PRDM16: variants seen among roughly 807,000 people sequenced by gnomAD.
PRDM16 encodes the protein histone-lysine N-methyltransferase PRDM16.
A neutral mutation model predicts 110.6 loss-of-function variants in PRDM16; 23 were observed. The ratio of observed to expected loss-of-function variants is 0.21; its 90% CI spans 0.15 to 0.29. The LOEUF (loss-of-function observed/expected upper bound fraction) is 0.29. PRDM16 is among the 10% of genes least tolerant of loss of function. The pLI is 1.00. For missense variants in PRDM16, 1,615 were observed against 1,794.3 expected (o/e 0.90, Z 1.81); for synonymous variants, 799 against 781.8 (o/e 1.02, Z -0.37).
chr1:3,256,407 T>A (rs984802512), intron 3 of PRDM16, among the ~76,000 whole-genome samples: 7 of 152,156 alleles, frequency 4.6e-5, no homozygotes, highest in Non-Finnish European at 8.8e-5. Context: ...ACTTCGTTAA[T>A]AATAACGGGC....
intron 3 of PRDM16, among the ~76,000 whole-genome samples, chr1:3,367,406 G>T (rs115177861): frequency 0.01 from 1,564 of 152,314 alleles, 31 homozygotes; most frequent in African/African-American, 0.036. Flanking sequence ...ACTTGGGAGG[G>T]GTCTTGTCTG....
chr1:3,122,677 C>T (rs572771360), intron 1 of PRDM16, among the ~76,000 whole-genome samples: 30 of 152,140 alleles, frequency 2.0e-4, no homozygotes, highest in Admixed American at 2.0e-3. Flanking sequence ...GACATTCCCC[C>T]CCTCCGTGCT....
chr1:3,255,982 G>A lies in PRDM16; in HGVS notation c.438+11845G>A, dbSNP rs547589046. ...GAACGAGCTCCGCCTCTCAGGGGAG[G>A]GACAGGATTACGTGGCAGAGAGCAG... On this transcript the variant is annotated intron_variant, in intron 3 of 16. Coordinates refer to ENST00000270722, the MANE Select transcript of PRDM16 (RefSeq NM_022114.4). This position sits in a 1 kb window ranked among gnomAD's most constrained non-coding sequence, Gnocchi z 4.7. Among the ~76,000 whole-genome samples the A allele has an allele frequency of 6.6e-6, 1 of 152,310 alleles. No homozygotes were observed. The highest frequency in any genetic ancestry group is 1.9e-4 in the East Asian group (1 of 5,172).
intron 3 of PRDM16, among the ~76,000 whole-genome samples, chr1:3,324,032 C>T (rs886853760): frequency 7.2e-5 from 11 of 152,194 alleles, no homozygotes; most frequent in Admixed American, 2.6e-4. Flanking sequence ...GCCACCCTCC[C>T]TCCGTCTGGG....
At chr1:3,297,127 G>T (rs1202808099) in intron 3 of PRDM16, among the ~76,000 whole-genome samples, 2 of 152,150 alleles carry the variant, frequency 1.3e-5, no homozygotes, top group Non-Finnish European at 2.9e-5. Context: ...AGCCCTAAGG[G>T]GAGCGGTCAG....
chr1:3,414,620 G>A lies in PRDM16; in HGVS notation c.2664G>A (p.Arg888=), dbSNP rs759549128. The A allele has an allele frequency of 6.2e-7, 1 of 1,613,336 alleles. No homozygotes were observed. Among genetic ancestry groups the A allele is most frequent in the Non-Finnish European group, 8.5e-7 (1 of 1,179,832 alleles). The part of the protein sequence containing the change: ...PVGALKEKYL[R]PSPLLFHPQM... Reference sequence around the variant, plus strand: ...GAGCCCTGAAGGAGAAGTACCTGCGGCCGTCCCCGCTGCTCTTCCACCCCC... The same window carrying A: ...GAGCCCTGAAGGAGAAGTACCTGCGACCGTCCCCGCTGCTCTTCCACCCCC... Residue 888 remains arginine, a synonymous_variant, in exon 10 of 17, where the codon CGG becomes CGA. Transcript: ENST00000270722.
chr1:3,110,803 G>C (rs901388129), intron 1 of PRDM16, among the ~76,000 whole-genome samples: 5 of 152,198 alleles, frequency 3.3e-5, no homozygotes, highest in Admixed American at 2.0e-4. Flanking sequence ...TAACAGGAGC[G>C]TGGGAGGGAT....
chr1:3,209,976 T>G lies in PRDM16; in HGVS notation c.387+23502T>G, dbSNP rs1173008526. 6.6e-6 allele frequency among the ~76,000 whole-genome samples: 1 copy of G among 152,192 alleles called. No individual in the cohort carries two copies. The highest frequency in any genetic ancestry group is 1.5e-5 in the Non-Finnish European group (1 of 68,032). On this transcript the variant is annotated intron_variant, in intron 2 of 16. Coordinates refer to ENST00000270722, the MANE Select transcript of PRDM16 (RefSeq NM_022114.4). This position sits in a 1 kb window ranked among gnomAD's most constrained non-coding sequence, Gnocchi z 4.6. ...ATATCGTAGCATTTTCTAGAGACATTTGCAGGAAGGTATTTGACACATTAA... is the reference window on the plus strand; with the variant it reads ...ATATCGTAGCATTTTCTAGAGACATGTGCAGGAAGGTATTTGACACATTAA...
rs895967408 is a variant in PRDM16, at chr1:3,201,049, G to A, written c.387+14575G>A. Among the ~76,000 whole-genome samples, 10 of 152,230 alleles carry A rather than the reference G, an allele frequency of 6.6e-5. No homozygotes were observed. Among genetic ancestry groups the A allele is most frequent in the Non-Finnish European group, 1.2e-4 (8 of 68,020 alleles). ...GTGAGTCCAGGGTCAACCCTTAGCCGGAGTGGGGACTCCGGGGAAGGCCAG... is the reference window on the plus strand; with the variant it reads ...GTGAGTCCAGGGTCAACCCTTAGCCAGAGTGGGGACTCCGGGGAAGGCCAG... On this transcript the variant is annotated intron_variant, in intron 2 of 16. Coordinates refer to ENST00000270722, the MANE Select transcript of PRDM16 (RefSeq NM_022114.4). This position sits in a 1 kb window ranked among gnomAD's most constrained non-coding sequence, Gnocchi z 4.1.
intron 3 of PRDM16, among the ~76,000 whole-genome samples, chr1:3,332,477 T>A (rs2100491338): frequency 6.6e-6 from 1 of 151,970 alleles, no homozygotes; most frequent in East Asian, 1.9e-4. Context: ...CGGTTCGGTT[T>A]GGTTTATTTT....
At chr1:3,320,673 T>C (rs1641719995) in intron 3 of PRDM16, among the ~76,000 whole-genome samples, 1 of 152,228 alleles carries the variant, frequency 6.6e-6, no homozygotes, top group Non-Finnish European at 1.5e-5. Context: ...GCCTTCCTGC[T>C]GAACCCACCC....
intron 1 of PRDM16, among the ~76,000 whole-genome samples, chr1:3,108,540 G>A (rs1642716506): frequency 6.6e-6 from 1 of 152,212 alleles, no homozygotes; most frequent in African/African-American, 2.4e-5. Context: ...TTTATGCCTG[G>A]CAATGCTACA....
At position 3,157,527 on chromosome 1, in the gene PRDM16, G is replaced by A. The variant is rs1287953324; in HGVS notation, c.38-28598G>A. On this transcript the variant is annotated intron_variant, in intron 1 of 16. Coordinates refer to ENST00000270722, the MANE Select transcript of PRDM16 (RefSeq NM_022114.4). This position sits in a 1 kb window ranked among gnomAD's most constrained non-coding sequence, Gnocchi z 4.8. ...TTGTTTGGTAGGATAAGGTCTTTAT[G>A]GGCAGAAAAGAGATGATAGATGAGA... Among the ~76,000 whole-genome samples the A allele has an allele frequency of 6.6e-6, 1 of 151,610 alleles. No homozygotes were observed. The highest frequency in any genetic ancestry group is 2.4e-5 in the African/African-American group (1 of 41,216).
At chr1:3,402,665 A>G in intron 5 of PRDM16, 126 bp from the exon 6 acceptor site, 1 of 757,222 alleles carries the variant, frequency 1.3e-6, no homozygotes, top group Non-Finnish European at 2.2e-6. Flanking sequence ...GAAGCAGTGC[A>G]GGACTGGCCA....
chr1:3,302,085 G>A (rs1380253011), intron 3 of PRDM16, among the ~76,000 whole-genome samples: 3 of 146,012 alleles, frequency 2.1e-5, no homozygotes, highest in Admixed American at 1.3e-4. Flanking sequence ...TGAATTAGCA[G>A]GTCCTAAACT....
chr1:3,188,506 C>T (rs1011947580), intron 2 of PRDM16, among the ~76,000 whole-genome samples: 7 of 152,194 alleles, frequency 4.6e-5, no homozygotes, highest in Admixed American at 2.0e-4. Flanking sequence ...TGAGGGAACG[C>T]GCTCTCCTCA....
rs552647397 is a variant in PRDM16, at chr1:3,109,836, G to A, written c.37+40540G>A. The stretch of plus-strand genomic sequence containing the variant: ...GATGAGTGGCCGGTGTGTTTTTCAG[G>A]GGAAGCTCATTTGTGTTGGATATGG... On this transcript the variant is annotated intron_variant, in intron 1 of 16. Coordinates refer to ENST00000270722, the MANE Select transcript of PRDM16 (RefSeq NM_022114.4). Among the ~76,000 whole-genome samples, 67 of 152,352 alleles carry A rather than the reference G, an allele frequency of 4.4e-4. No homozygotes were observed. In the South Asian group the frequency reaches 0.011, roughly 25 times the overall value.
At chr1:3,113,279 G>A (rs928085715) in intron 1 of PRDM16, among the ~76,000 whole-genome samples, 6 of 152,360 alleles carry the variant, frequency 3.9e-5, no homozygotes, top group Non-Finnish European at 8.8e-5. Flanking sequence ...CAGGTGCAGG[G>A]GAGTGGGAGG....
chr1:3,405,013 C>G, intron 7 of PRDM16, 127 bp downstream of exon 7: 1 of 1,030,038 alleles, frequency 9.7e-7, no homozygotes, highest in Non-Finnish European at 1.4e-6. Context: ...GGTAGGAGGC[C>G]CCTGCGGTGG....
Sources: gnomAD v4.1 joint callset for allele counts (sites outside exome capture counted in the v4.1 genomes callset) on GRCh38, gnomAD v4.1.1 for gene constraint, Gnocchi (gnomAD v3.1) non-coding constraint, MANE v1.5 for transcripts, NCBI Gene and HGNC (gene_info 2026-07-23, HGNC 2026-07-21) for gene names.